The following GOLGA5 variants were observed in gnomAD, a reference collection of about 807,000 sequenced individuals.
The protein encoded by GOLGA5 is golgin A5, also known as golgin subfamily A member 5.
GOLGA5 carries 50 observed loss-of-function variants against 93.5 expected under a neutral mutation model. That is an observed-to-expected ratio of 0.53 (90% CI 0.43 to 0.68). The LOEUF (loss-of-function observed/expected upper bound fraction) is 0.68, where lower values mean the gene tolerates loss of function less well. Ranked by LOEUF, GOLGA5 falls within the 30% of genes least tolerant of loss-of-function variation. The pLI is 0.00. For missense variants in GOLGA5, 760 were observed against 856.4 expected (o/e 0.89, Z 1.40); for synonymous variants, 312 against 304.5 (o/e 1.02, Z -0.26).
chr14:92,832,450 A>T (rs1427349151), intron 9 of GOLGA5, among the ~76,000 whole-genome samples: 3 of 152,222 alleles, frequency 2.0e-5, no homozygotes, highest in Non-Finnish European at 4.4e-5. Context: ...GAGACAGATA[A>T]GACCAGATGG....
chr14:92,797,564 A>G lies in GOLGA5; in HGVS notation c.127A>G (p.Thr43Ala). 1 of 1,613,500 alleles carries G rather than the reference A, an allele frequency of 6.2e-7. No individual in the cohort carries two copies. The highest frequency in any genetic ancestry group is 8.5e-7 in the Non-Finnish European group (1 of 1,179,418). ...SNIYSKNTDY[T>A]ELHQQNTDLI... ...CATATATAGCAAAAATACTGACTAT[A>G]CTGAACTTCACCAGCAAAATACAGA... Residue 43 changes from threonine (T) to alanine (A), a missense_variant, in exon 2 of 13, where the codon ACT (threonine) becomes GCT (alanine). By Grantham distance (58) the Thr-to-Ala change is moderately conservative. Coordinates refer to ENST00000163416, the MANE Select transcript of GOLGA5 (RefSeq NM_005113.4).
rs142297799 is a variant in GOLGA5 at position 92,839,774 on chromosome 14, T to C, written c.*328T>C. On this transcript the variant is annotated 3_prime_UTR_variant, in exon 13 of 13. Transcript: ENST00000163416. ...GTTAGGTGACATTGATTATGGGTTA[T>C]AATCAGGGAAACTAATTGTATTTAG... is the stretch of plus-strand genomic sequence containing the variant. 591 of 288,370 alleles carry C rather than the reference T, an allele frequency of 2.0e-3. No homozygotes were observed. The highest frequency in any genetic ancestry group is 0.01 in the African/African-American group (483 of 46,424). 17.9% of individuals were successfully genotyped at this position (288,370 alleles called of 1,614,324 possible).
intron 2 of GOLGA5, among the ~76,000 whole-genome samples, chr14:92,805,992 C>A (rs10141426): frequency 0.77 from 108,697 of 142,004 alleles, 40,963 homozygotes; most frequent in African/African-American, 0.86. Flanking sequence ...AAAAAAAAAA[C>A]AAAAAACCTT....
chr14:92,820,408 T>C (rs1233993493), intron 8 of GOLGA5, among the ~76,000 whole-genome samples: 1 of 152,166 alleles, frequency 6.6e-6, no homozygotes, highest in African/African-American at 2.4e-5. Flanking sequence ...CACAGGGCGG[T>C]TTTTCTCCTA....
intron 6 of GOLGA5, among the ~76,000 whole-genome samples, chr14:92,812,624 C>T (rs1885126082): frequency 6.6e-6 from 1 of 152,134 alleles, no homozygotes; most frequent in African/African-American, 2.4e-5. Context: ...TATTTGATGA[C>T]CTAAATAAAT....
In GOLGA5 at chr14:92,819,621, C is replaced by T. The variant is rs75355920; in HGVS notation, c.1492-87C>T. ...GCACTCCAGCCTGGGTGACGTGAGA[C>T]TCTGATTCTTAAAAAAGAAAAATTG... On this transcript the variant is annotated intron_variant, in intron 7 of 12. Coordinates refer to ENST00000163416, the MANE Select transcript of GOLGA5 (RefSeq NM_005113.4). 4.8e-4 allele frequency: 638 copies of T among 1,321,922 alleles called. 3 individuals carry two copies. In the African/African-American group the frequency reaches 8.1e-3, roughly 17 times the overall value. The allele number at this position is 1,321,922 out of a possible 1,614,324, so 81.9% of individuals were successfully genotyped here. A position where few individuals can be genotyped will look rare whatever the true frequency, so the allele number is the denominator to read the frequency against.
chr14:92,825,994 A>C (rs2140330789), intron 9 of GOLGA5, among the ~76,000 whole-genome samples: 1 of 152,184 alleles, frequency 6.6e-6, no homozygotes, highest in East Asian at 1.9e-4. Context: ...CATCTCTAAA[A>C]AAATATTTTT....
intron 12 of GOLGA5, 44 bp from the exon 13 acceptor site, chr14:92,839,322 A>G (rs1409266732): frequency 7.6e-7 from 1 of 1,317,288 alleles, no homozygotes; most frequent in Non-Finnish European, 1.1e-6. Flanking sequence ...TTTGGTAAAA[A>G]TTGGTTTATT....
intron 2 of GOLGA5, among the ~76,000 whole-genome samples, chr14:92,804,456 C>G (rs1884938590): frequency 6.6e-6 from 1 of 151,966 alleles, no homozygotes. Context: ...CTACAGTAAT[C>G]ACTCATGGCC....
rs752931882 is a variant in GOLGA5 at position 92,811,622 on chromosome 14, C to T, written c.1188C>T (p.Ala396=). The part of the protein sequence containing the change: ...RQNLAEAITL[A]ERKYSDEKKR... Reference sequence around the variant, plus strand: ...ATTTAGCAGAAGCAATTACACTGGCCGAAAGAAAATACTCAGATGAGAAGA... The same window carrying T: ...ATTTAGCAGAAGCAATTACACTGGCTGAAAGAAAATACTCAGATGAGAAGA... Residue 396 remains alanine (A), a synonymous_variant, in exon 6 of 13, where the codon GCC becomes GCT. Transcript: ENST00000163416. 22 of 1,612,064 alleles carry T rather than the reference C, an allele frequency of 1.4e-5. No homozygotes were observed. The highest frequency in any genetic ancestry group is 1.3e-4 in the African/African-American group (10 of 74,750).
rs1335944601 is a variant in GOLGA5, at chr14:92,833,323, A to G, written c.1921A>G (p.Met641Val). The G allele has an allele frequency of 5.6e-6, 9 of 1,606,466 alleles. No homozygotes were observed. In the African/African-American group the frequency reaches 6.7e-5, roughly 12 times the overall value. Reference sequence around the variant, plus strand: ...TAGTAGTAATGGGTCTTCGATTAATATGTCTGGAATTGACAATGGTGAAGG... The same window carrying G: ...TAGTAGTAATGGGTCTTCGATTAATGTGTCTGGAATTGACAATGGTGAAGG... ...GSSSNGSSIN[M>V]SGIDNGEGTR... The change falls in exon 10 of 13, where the codon ATG (methionine) becomes GTG (valine). Residue 641 changes from methionine (M) to valine (V), a missense_variant. Transcript: ENST00000163416.
chr14:92,802,797 C>T (rs1884901516), intron 2 of GOLGA5, among the ~76,000 whole-genome samples: 1 of 150,696 alleles, frequency 6.6e-6, no homozygotes, highest in South Asian at 2.1e-4. Context: ...CTGTGTTACC[C>T]AGGCTGGAAT....
chr14:92,803,941 G>C lies in GOLGA5; in HGVS notation c.545-2795G>C, dbSNP rs146840468. 3.2e-3 allele frequency among the ~76,000 whole-genome samples: 493 copies of C among 152,210 alleles called. 1 individual carries two copies. The highest frequency in any genetic ancestry group is 0.011 in the African/African-American group (462 of 41,544). ...CAGTATCTTGTACATTTTAAAATTT[G>C]ATGGCCTAATGTTGTTTATATCTGT... is the stretch of plus-strand genomic sequence containing the variant. On this transcript the variant is annotated intron_variant, in intron 2 of 12. Transcript: ENST00000163416.
Position 92,823,857 on chromosome 14 carries a change from G to A in GOLGA5, c.1621-689G>A, listed in dbSNP as rs183489415. Among the ~76,000 whole-genome samples, 31 of 152,114 alleles carry A rather than the reference G, an allele frequency of 2.0e-4. 1 individual carries two copies. The highest frequency in any genetic ancestry group is 5.8e-4 in the African/African-American group (24 of 41,518). On this transcript the variant is annotated intron_variant, in intron 8 of 12. Transcript: ENST00000163416. ...GGAGAACTGACATCTTTATGATGTT[G>A]TATTCCTAAGAATATGATATGACTT...
chr14:92,798,507 CTTG>C (rs1464337870), intron 2 of GOLGA5, among the ~76,000 whole-genome samples: 1 of 152,178 alleles, frequency 6.6e-6, no homozygotes, highest in African/African-American at 2.4e-5. Flanking sequence ...GCTTAGAACT[CTTG>C]TTTTCAATTG....
intron 9 of GOLGA5, among the ~76,000 whole-genome samples, chr14:92,826,735 G>A (rs1438996543): frequency 6.6e-6 from 1 of 151,376 alleles, no homozygotes; most frequent in African/African-American, 2.4e-5. Flanking sequence ...ATTATTGCAT[G>A]GGAGTAGATG....
chr14:92,810,051 C>G (rs1885072119), intron 4 of GOLGA5, among the ~76,000 whole-genome samples: 1 of 152,188 alleles, frequency 6.6e-6, no homozygotes, highest in Non-Finnish European at 1.5e-5. Flanking sequence ...TGTCATTAAT[C>G]TTTCATTATA....
At chr14:92,801,399 G>T (rs879460009) in intron 2 of GOLGA5, among the ~76,000 whole-genome samples, 31 of 152,148 alleles carry the variant, frequency 2.0e-4, no homozygotes, top group Non-Finnish European at 3.8e-4. Context: ...TGTGGTTGAA[G>T]ATCTTTTCAG....
intron 2 of GOLGA5, among the ~76,000 whole-genome samples, chr14:92,805,541 A>C (rs1453082514): frequency 6.6e-6 from 1 of 152,202 alleles, no homozygotes; most frequent in Admixed American, 6.5e-5. Context: ...CGGTAGCTGC[A>C]TGTTTAATTT....
Sources: allele counts gnomAD v4.1 joint callset (sites outside exome capture counted in the v4.1 genomes callset), GRCh38; gene constraint gnomAD v4.1.1; transcripts MANE v1.5; gene names NCBI Gene and HGNC (gene_info 2026-07-23, HGNC 2026-07-21).